CSMD3: variants seen among roughly 807,000 people sequenced by gnomAD.
The protein encoded by CSMD3 is CUB and sushi domain-containing protein 3.
In CSMD3, 177 loss-of-function variants were observed where a neutral mutation model predicts 435.2. That is an observed-to-expected ratio of 0.41 (90% CI 0.36 to 0.46). The LOEUF (loss-of-function observed/expected upper bound fraction) is 0.46. CSMD3 is among the 20% of genes least tolerant of loss of function. The probability of loss-of-function intolerance (pLI) is 0.34; values close to 1 mark genes in which losing one functional copy is unlikely to be tolerated. For missense variants in CSMD3, 4,265 were observed against 4,504.6 expected, an observed-to-expected ratio of 0.95 and a Z score of 1.52; for synonymous variants, 1,656 against 1,520.5, an observed-to-expected ratio of 1.09 and a Z score of -2.07.
chr8:112,845,022 G>A (rs986051548), intron 11 of CSMD3, among the ~76,000 whole-genome samples: 1 of 151,894 alleles, frequency 6.6e-6, no homozygotes, highest in Non-Finnish European at 1.5e-5. Context: ...TTAGTAGTGG[G>A]AACAGTAGTG....
intron 3 of CSMD3, among the ~76,000 whole-genome samples, chr8:113,216,822 C>G (rs1257841874): frequency 6.6e-6 from 1 of 151,628 alleles, no homozygotes; most frequent in African/African-American, 2.4e-5. Context: ...GGACAGGGTA[C>G]TGAAAAGAAG....
At chr8:112,557,921 T>A (rs1225211218) in intron 24 of CSMD3, among the ~76,000 whole-genome samples, 1 of 151,946 alleles carries the variant, frequency 6.6e-6, no homozygotes, top group Non-Finnish European at 1.5e-5. Flanking sequence ...AGGCCTAGAT[T>A]TTCAATTGGC....
intron 4 of CSMD3, among the ~76,000 whole-genome samples, chr8:113,125,487 G>C (rs562211513): frequency 2.2e-4 from 33 of 152,016 alleles, no homozygotes; most frequent in African/African-American, 6.3e-4. Flanking sequence ...AATGAGTGTT[G>C]ATATAGAAGA....
At chr8:113,054,148 T>C (rs1366700916) in intron 5 of CSMD3, among the ~76,000 whole-genome samples, 2 of 152,122 alleles carry the variant, frequency 1.3e-5, no homozygotes, top group Non-Finnish European at 2.9e-5. Flanking sequence ...TGGCTTAGAG[T>C]TCGTGGCCCA....
chr8:112,507,899 A>C (rs547517886), intron 28 of CSMD3, among the ~76,000 whole-genome samples: 1 of 152,184 alleles, frequency 6.6e-6, no homozygotes, highest in East Asian at 1.9e-4. Context: ...CTGCATTGAG[A>C]ATATCTAGTT....
chr8:112,971,367 C>A (rs79139683), intron 7 of CSMD3, among the ~76,000 whole-genome samples: 1 of 152,072 alleles, frequency 6.6e-6, no homozygotes, highest in East Asian at 1.9e-4. Flanking sequence ...ACTTATTGCT[C>A]AAGATCATAA....
chr8:112,340,936 T>C (rs938161939), intron 42 of CSMD3, among the ~76,000 whole-genome samples: 6 of 152,022 alleles, frequency 3.9e-5, no homozygotes, highest in African/African-American at 1.4e-4. Context: ...AACCCTTTAC[T>C]CAAAAGAGAT....
chr8:112,457,871 G>T (rs1477298622), intron 32 of CSMD3, among the ~76,000 whole-genome samples: 1 of 151,980 alleles, frequency 6.6e-6, no homozygotes, highest in Non-Finnish European at 1.5e-5. Flanking sequence ...TTCCAAGAAT[G>T]GAGGAGTGAT....
intron 5 of CSMD3, among the ~76,000 whole-genome samples, chr8:113,086,100 T>G (rs1187723612): frequency 6.6e-6 from 1 of 151,596 alleles, no homozygotes; most frequent in African/African-American, 2.4e-5. Context: ...ACACAAAAAT[T>G]AGCCAGGCGT....
At chr8:113,176,509 T>C (rs1320858539) in intron 3 of CSMD3, among the ~76,000 whole-genome samples, 2 of 152,140 alleles carry the variant, frequency 1.3e-5, no homozygotes, top group African/African-American at 2.4e-5. Context: ...ATTCTCTTCT[T>C]ACTCTTAATG....
intron 32 of CSMD3, among the ~76,000 whole-genome samples, chr8:112,436,640 A>G (rs533571360): frequency 6.6e-6 from 1 of 152,110 alleles, no homozygotes; most frequent in African/African-American, 2.4e-5. Context: ...ACATATAAAA[A>G]AATATACACA....
intron 22 of CSMD3, among the ~76,000 whole-genome samples, chr8:112,592,155 A>C (rs1027103132): frequency 1.3e-5 from 2 of 152,016 alleles, no homozygotes; most frequent in African/African-American, 4.8e-5. Context: ...TTCTTCAGAA[A>C]TTTTTAGTCA....
intron 35 of CSMD3, among the ~76,000 whole-genome samples, chr8:112,400,958 G>A (rs1441552051): frequency 6.6e-6 from 1 of 152,118 alleles, no homozygotes; most frequent in East Asian, 1.9e-4. Flanking sequence ...TGTAATCCCA[G>A]TACTTTGGGA....
intron 3 of CSMD3, among the ~76,000 whole-genome samples, chr8:113,225,068 G>A (rs1238244085): frequency 6.6e-6 from 1 of 151,238 alleles, no homozygotes; most frequent in Non-Finnish European, 1.5e-5. Flanking sequence ...TTATTTCAGA[G>A]GTCCTGCCCA....
rs1822731167 is a variant in CSMD3, at chr8:112,318,945, T to A, written c.7252A>T (p.Ile2418Phe). The A allele has an allele frequency of 1.3e-6, 2 of 1,585,404 alleles. No individual in the cohort carries two copies. The highest frequency in any genetic ancestry group is 1.7e-4 in the Middle Eastern group (1 of 6,006). The change falls in exon 47 of 71, where the codon ATT (isoleucine) becomes TTT (phenylalanine). Residue 2418 changes from isoleucine (I) to phenylalanine (F), a missense_variant. This residue lies in a region of CSMD3 where 3,255 missense variants were observed against 3,380.2 expected (regional missense o/e 0.96). Transcript: ENST00000297405. ...CCTGGAAGACACTGATACCTAATAA[T>A]ATCACCTATTAAACAAAAGAGGGGA... ...TEDDEFEIGD[I>F]IRYQCLPGFT...
intron 1 of CSMD3, among the ~76,000 whole-genome samples, chr8:113,374,554 T>C (rs909780737): frequency 2.3e-4 from 35 of 151,956 alleles, no homozygotes; most frequent in Non-Finnish European, 3.5e-4. Context: ...AATAAACACA[T>C]TAAAAGAAGG....
intron 16 of CSMD3, among the ~76,000 whole-genome samples, chr8:112,680,983 A>T (rs2075878361): frequency 6.6e-6 from 1 of 151,832 alleles, no homozygotes; most frequent in African/African-American, 2.4e-5. Flanking sequence ...GGTGTTAGAC[A>T]GTTATAGTTC....
At position 112,337,524 on chromosome 8, in the gene CSMD3, C is replaced by T. The variant is rs775946311; in HGVS notation, c.6841+19G>A. 6.2e-7 allele frequency: 1 copy of T among 1,602,402 alleles called. No homozygotes were observed. Among genetic ancestry groups the T allele is most frequent in the Non-Finnish European group, 8.6e-7 (1 of 1,169,400 alleles). On this transcript the variant is annotated intron_variant, in intron 43 of 70. Coordinates refer to ENST00000297405, the MANE Select transcript of CSMD3 (RefSeq NM_198123.2). ...ACAGATGACATCACCTAAAAGATAG[C>T]TTCAAGTTAGAAGCATACCTTCACA...
intron 24 of CSMD3, among the ~76,000 whole-genome samples, chr8:112,561,608 C>T (rs1266560960): frequency 4.0e-5 from 6 of 151,596 alleles, no homozygotes; most frequent in East Asian, 1.9e-4. Flanking sequence ...TTCATCTTCA[C>T]GTTAATATTA....
Sources: allele counts gnomAD v4.1 joint callset (sites outside exome capture counted in the v4.1 genomes callset), GRCh38; gene constraint gnomAD v4.1.1; regional missense constraint gnomAD v4.1.1; transcripts MANE v1.5; gene names NCBI Gene and HGNC (gene_info 2026-07-23, HGNC 2026-07-21).